Variants in RAB3C observed in about 807,000 individuals in gnomAD.
RAB3C encodes the protein ras-related protein Rab-3C.
A neutral mutation model predicts 26.4 loss-of-function variants in RAB3C; 17 were observed. The ratio of observed to expected loss-of-function variants is 0.64; its 90% CI spans 0.44 to 0.97. RAB3C has a LOEUF of 0.97. RAB3C is among the 50% of genes least tolerant of loss of function. The pLI, the probability that RAB3C is intolerant of heterozygous loss-of-function variation, is 0.00. For synonymous variants in RAB3C, 91 were observed against 95.9 expected, an observed-to-expected ratio of 0.95 and a Z score of 0.30; for missense variants, 242 against 281.9, an observed-to-expected ratio of 0.86 and a Z score of 1.01.
intron 3 of RAB3C, among the ~76,000 whole-genome samples, chr5:58,785,960 T>C (rs1378370141): frequency 6.6e-6 from 1 of 152,192 alleles, no homozygotes; most frequent in Non-Finnish European, 1.5e-5. Context: ...TTGTGAAGCT[T>C]CTAGATGCTG....
At chr5:58,592,148 G>A (rs374888804) in intron 1 of RAB3C, among the ~76,000 whole-genome samples, 6 of 151,876 alleles carry the variant, frequency 4.0e-5, no homozygotes, top group African/African-American at 7.2e-5. Context: ...ATCCACCTGC[G>A]TCGGCCTCCT....
chr5:58,600,843 C>G (rs187601396), intron 1 of RAB3C, among the ~76,000 whole-genome samples: 2 of 152,186 alleles, frequency 1.3e-5, no homozygotes, highest in East Asian at 3.9e-4. Flanking sequence ...TTATTTCTTT[C>G]TCGTCTGATT....
chr5:58,849,290 G>A (rs1744065021), intron 4 of RAB3C, among the ~76,000 whole-genome samples: 1 of 140,190 alleles, frequency 7.1e-6, no homozygotes, highest in East Asian at 2.0e-4. Context: ...GGCTCATTCA[G>A]GGATCTTGAA....
intron 3 of RAB3C, among the ~76,000 whole-genome samples, chr5:58,816,754 A>G (rs1206167019): frequency 6.6e-6 from 1 of 152,182 alleles, no homozygotes; most frequent in Non-Finnish European, 1.5e-5. Flanking sequence ...AATCAAAGAA[A>G]TTTAAAAGCC....
At chr5:58,593,826 T>C (rs780172610) in intron 1 of RAB3C, among the ~76,000 whole-genome samples, 15 of 152,192 alleles carry the variant, frequency 9.9e-5, no homozygotes, top group Non-Finnish European at 2.1e-4. Flanking sequence ...TTCAGTCCTC[T>C]AGTGAATGGT....
chr5:58,813,489 T>G (rs907315416), intron 3 of RAB3C, among the ~76,000 whole-genome samples: 2 of 151,620 alleles, frequency 1.3e-5, no homozygotes, highest in Non-Finnish European at 2.9e-5. Flanking sequence ...GTGGTCACAG[T>G]GCTTACCACC....
At chr5:58,654,632 GT>G (rs1436559070) in intron 2 of RAB3C, among the ~76,000 whole-genome samples, 1 of 151,980 alleles carries the variant, frequency 6.6e-6, no homozygotes, top group Non-Finnish European at 1.5e-5. Context: ...TAAGGTTTGT[GT>G]AAAGCAAGCA....
intron 2 of RAB3C, among the ~76,000 whole-genome samples, chr5:58,627,805 G>C (rs1747091426): frequency 2.0e-5 from 3 of 152,146 alleles, no homozygotes; most frequent in Admixed American, 2.0e-4. Flanking sequence ...GGGAAGGAAA[G>C]CAAGGTCTCC....
chr5:58,808,808 C>T (rs1251222458), intron 3 of RAB3C, among the ~76,000 whole-genome samples: 1 of 152,182 alleles, frequency 6.6e-6, no homozygotes, highest in East Asian at 1.9e-4. Context: ...TATTTAATAA[C>T]ATGTCTAGCC....
chr5:58,699,019 G>C (rs954325198), intron 2 of RAB3C, among the ~76,000 whole-genome samples: 4 of 152,268 alleles, frequency 2.6e-5, no homozygotes, highest in Non-Finnish European at 2.9e-5. Flanking sequence ...CCGATTTTTA[G>C]TATTTTCAGC....
chr5:58,798,821 T>C lies in RAB3C; in HGVS notation c.372-26217T>C, dbSNP rs568371522. Among the ~76,000 whole-genome samples the C allele has an allele frequency of 5.3e-5, 8 of 152,334 alleles. No individual in the cohort carries two copies. In the South Asian group the frequency reaches 6.2e-4, roughly 12 times the overall value. On this transcript the variant is annotated intron_variant, in intron 3 of 4. Transcript: ENST00000282878. ...GTATACTAAACCTGTAGTATTCTTA[T>C]TGAAATGTTTAACCTGAATCCAGTT...
chr5:58,675,625 T>TTTTTTTTTTTTTTGGC (rs1748209760), intron 2 of RAB3C, among the ~76,000 whole-genome samples: 1 of 150,686 alleles, frequency 6.6e-6, no homozygotes, highest in African/African-American at 2.5e-5. Context: ...CTTTTTTTTT[T>TTTTTTTTTTTTTTGGC]TTTTTTTTTT....
Position 58,653,020 on chromosome 5 carries a change from G to A in RAB3C, c.252+35150G>A, listed in dbSNP as rs900302548. ...AACTTCTAGGATACAAGTGCAGAAT[G>A]TGCAGGTTTGTTACATAGGTATACA... On this transcript the variant is annotated intron_variant, in intron 2 of 4. Coordinates refer to ENST00000282878, the MANE Select transcript of RAB3C (RefSeq NM_138453.4). 2.0e-5 allele frequency among the ~76,000 whole-genome samples: 3 copies of A among 152,124 alleles called. 1 individual carries two copies. In the South Asian group the frequency reaches 6.2e-4, roughly 32 times the overall value.
At chr5:58,684,548 C>T (rs540095768) in intron 2 of RAB3C, among the ~76,000 whole-genome samples, 2 of 152,098 alleles carry the variant, frequency 1.3e-5, no homozygotes, top group African/African-American at 4.8e-5. Context: ...TGTGGCTTAG[C>T]TGAACATTCT....
intron 3 of RAB3C, among the ~76,000 whole-genome samples, chr5:58,793,421 G>T (rs1742574372): frequency 6.6e-6 from 1 of 151,920 alleles, no homozygotes; most frequent in Non-Finnish European, 1.5e-5. Context: ...GCTGGGCGTG[G>T]TGGCACACGC....
intron 2 of RAB3C, among the ~76,000 whole-genome samples, chr5:58,709,012 A>G (rs1749006362): frequency 6.6e-6 from 1 of 152,206 alleles, no homozygotes; most frequent in Non-Finnish European, 1.5e-5. Flanking sequence ...TCTTTTTCAC[A>G]CATAAATCAA....
intron 2 of RAB3C, among the ~76,000 whole-genome samples, chr5:58,672,391 C>T (rs1272135545): frequency 6.6e-6 from 1 of 152,174 alleles, no homozygotes; most frequent in African/African-American, 2.4e-5. Context: ...ACAGTTTAGT[C>T]AACTTCATAC....
At chr5:58,788,435 T>C (rs1259831224) in intron 3 of RAB3C, 1 of 152,208 alleles carries the variant, frequency 6.6e-6, no homozygotes, top group Non-Finnish European at 1.5e-5. Flanking sequence ...ATTCTATTAT[T>C]TTGAGACTTT....
At chr5:58,751,163 A>G (rs1025869995) in intron 3 of RAB3C, among the ~76,000 whole-genome samples, 2 of 152,130 alleles carry the variant, frequency 1.3e-5, no homozygotes, top group African/African-American at 4.8e-5. Context: ...CCCGTCATAT[A>G]TTATTCTTGA....
Sources: allele counts gnomAD v4.1 joint callset (sites outside exome capture counted in the v4.1 genomes callset), GRCh38; gene constraint gnomAD v4.1.1; transcripts MANE v1.5; gene names NCBI Gene and HGNC (gene_info 2026-07-23, HGNC 2026-07-21).